PELI1: variants seen among roughly 807,000 people sequenced by gnomAD.
The protein encoded by PELI1 is pellino E3 ubiquitin protein ligase 1.
In PELI1, 15 loss-of-function variants were observed where a neutral mutation model predicts 41.3. That is an observed-to-expected ratio of 0.36 (90% confidence interval 0.24 to 0.56). The LOEUF (loss-of-function observed/expected upper bound fraction) is 0.56, where lower values mean the gene tolerates loss of function less well. Ranked by LOEUF, PELI1 falls within the 20% of genes least tolerant of loss-of-function variation. The pLI, the probability that PELI1 is intolerant of heterozygous loss-of-function variation, is 0.82. For missense variants in PELI1, 403 were observed against 525.5 expected (o/e 0.77, Z 2.28); for synonymous variants, 178 against 180.1 (o/e 0.99, Z 0.09).
At chr2:64,100,356 T>C in intron 4 of PELI1, 42 bp downstream of exon 4, 1 of 1,015,680 alleles carries the variant, frequency 9.8e-7, no homozygotes, top group Non-Finnish European at 1.6e-6. Context: ...GATTTTTAAC[T>C]TTTTCGTTTC....
chr2:64,137,494 T>C (rs1210393552), intron 1 of PELI1, among the ~76,000 whole-genome samples: 4 of 152,204 alleles, frequency 2.6e-5, no homozygotes, highest in Admixed American at 1.3e-4. Flanking sequence ...TGTGTGTGTG[T>C]GTGTGCGCAT....
intron 1 of PELI1, among the ~76,000 whole-genome samples, chr2:64,118,810 T>C (rs1681105068): frequency 6.6e-6 from 1 of 152,190 alleles, no homozygotes; most frequent in Admixed American, 6.5e-5. Context: ...CTTGAGAAGA[T>C]CTTGGGAAAA....
At chr2:64,136,986 A>C (rs578101716) in intron 1 of PELI1, among the ~76,000 whole-genome samples, 17 of 152,374 alleles carry the variant, frequency 1.1e-4, no homozygotes, top group African/African-American at 4.1e-4. Context: ...TTCTTTACTC[A>C]ATATTATCAG....
intron 1 of PELI1, among the ~76,000 whole-genome samples, chr2:64,115,953 G>C (rs1680976182): frequency 6.6e-6 from 1 of 152,070 alleles, no homozygotes; most frequent in Admixed American, 6.6e-5. Flanking sequence ...ACCATTTCCT[G>C]GTAGTGACCA....
intron 1 of PELI1, among the ~76,000 whole-genome samples, chr2:64,109,518 T>C (rs988729984): frequency 2.0e-5 from 3 of 152,056 alleles, no homozygotes; most frequent in Middle Eastern, 3.4e-3. Flanking sequence ...TGGTCTCTAC[T>C]AAAAATACAA....
intron 1 of PELI1, among the ~76,000 whole-genome samples, chr2:64,121,897 C>T (rs756101093): frequency 8.2e-5 from 12 of 146,716 alleles, no homozygotes; most frequent in Non-Finnish European, 1.3e-4. Flanking sequence ...AAGAGCAAAA[C>T]TCCGTCTTCA....
chr2:64,129,485 A>G (rs1452035145), intron 1 of PELI1, among the ~76,000 whole-genome samples: 1 of 152,190 alleles, frequency 6.6e-6, no homozygotes, highest in Non-Finnish European at 1.5e-5. Flanking sequence ...ATAACTCAGT[A>G]AACTGCAATT....
At chr2:64,098,166 G>GA (rs1227062192) in intron 4 of PELI1, among the ~76,000 whole-genome samples, 1 of 152,032 alleles carries the variant, frequency 6.6e-6, no homozygotes, top group Non-Finnish European at 1.5e-5. Context: ...TCTATAAAGA[G>GA]AAAAAAACCA....
chr2:64,103,338 G>C (rs1485997395), intron 3 of PELI1, among the ~76,000 whole-genome samples: 1 of 152,110 alleles, frequency 6.6e-6, no homozygotes, highest in Non-Finnish European at 1.5e-5. Flanking sequence ...GCAGTCTAAG[G>C]GGCATCTGAA....
intron 4 of PELI1, among the ~76,000 whole-genome samples, chr2:64,098,925 T>C (rs966606510): frequency 3.3e-5 from 5 of 152,152 alleles, no homozygotes; most frequent in Admixed American, 6.5e-5. Context: ...TTCTCTACTT[T>C]ATGAAAAAGA....
intron 1 of PELI1, among the ~76,000 whole-genome samples, chr2:64,122,187 G>T (rs1284695561): frequency 6.6e-6 from 1 of 151,654 alleles, no homozygotes; most frequent in African/African-American, 2.4e-5. Context: ...TTTGGCAAAT[G>T]AACCTGAATC....
Position 64,095,273 on chromosome 2 carries a change from A to G in PELI1, c.691-5T>C. 1 of 1,601,926 alleles carries G rather than the reference A, an allele frequency of 6.2e-7. No homozygotes were observed. The highest frequency in any genetic ancestry group is 1.1e-5 in the South Asian group (1 of 90,714). On this transcript the variant is annotated splice_polypyrimidine_tract_variant and splice_region_variant and intron_variant, in intron 6 of 6. Coordinates refer to ENST00000358912, the MANE Select transcript of PELI1 (RefSeq NM_020651.4). ...CTGATTGGTTTCAATTTCCACCTAG[A>G]GGAGACAAGAGTTGAAAAACATATT...
intron 3 of PELI1, 35 bp from the exon 4 acceptor site, chr2:64,100,534 G>T: frequency 2.0e-6 from 2 of 990,582 alleles, no homozygotes; most frequent in South Asian, 1.3e-5. Flanking sequence ...AAAATTAGTA[G>T]GCAGGTCAAT....
intron 2 of PELI1, among the ~76,000 whole-genome samples, chr2:64,105,668 G>T (rs999305420): frequency 6.6e-6 from 1 of 152,162 alleles, no homozygotes; most frequent in African/African-American, 2.4e-5. Context: ...ATTATATTCT[G>T]AAGTGACACT....
At chr2:64,142,296 A>G (rs1206105715) in intron 1 of PELI1, among the ~76,000 whole-genome samples, 1 of 152,050 alleles carries the variant, frequency 6.6e-6, no homozygotes, top group African/African-American at 2.4e-5. Flanking sequence ...AGGCTTTGGG[A>G]AAAAAAATAA....
At chr2:64,104,345 G>C (rs1230263578) in intron 3 of PELI1, among the ~76,000 whole-genome samples, 1 of 152,068 alleles carries the variant, frequency 6.6e-6, no homozygotes, top group Non-Finnish European at 1.5e-5. Flanking sequence ...CCAGTCCAGG[G>C]AGACCCCTCT....
intron 1 of PELI1, among the ~76,000 whole-genome samples, chr2:64,118,208 A>G (rs1433847911): frequency 2.0e-5 from 3 of 152,190 alleles, no homozygotes; most frequent in Non-Finnish European, 4.4e-5. Context: ...TACAGCTGGG[A>G]TATTTCTATG....
Position 64,092,950 on chromosome 2 carries a change from C to T in PELI1, c.*1752G>A, listed in dbSNP as rs969465540. ...ATAGCCTGAATAAAAATGACTAGAACAAATACAACACAGGACTTGCTTTCT... is the reference window on the plus strand; with the variant it reads ...ATAGCCTGAATAAAAATGACTAGAATAAATACAACACAGGACTTGCTTTCT... On this transcript the variant is annotated 3_prime_UTR_variant, in exon 7 of 7. Coordinates refer to ENST00000358912, the MANE Select transcript of PELI1 (RefSeq NM_020651.4). 4 of 152,392 alleles carry T rather than the reference C, an allele frequency of 2.6e-5. No homozygotes were observed. In the South Asian group the frequency reaches 6.2e-4, roughly 24 times the overall value. 9.4% of individuals were successfully genotyped at this position (152,392 alleles called of 1,614,324 possible).
intron 1 of PELI1, among the ~76,000 whole-genome samples, chr2:64,129,132 A>G (rs950203073): frequency 1.3e-5 from 2 of 152,172 alleles, no homozygotes; most frequent in African/African-American, 4.8e-5. Flanking sequence ...TTTGGTATCA[A>G]TAAAAAGCAA....
Sources: gnomAD v4.1 joint callset for allele counts (sites outside exome capture counted in the v4.1 genomes callset) on GRCh38, gnomAD v4.1.1 for gene constraint, MANE v1.5 for transcripts, NCBI Gene and HGNC (gene_info 2026-07-23, HGNC 2026-07-21) for gene names.